The following ABCA1 variants were observed in gnomAD, a reference collection of about 807,000 sequenced individuals.
ABCA1 encodes the protein ATP binding cassette subfamily A member 1.
ABCA1 carries 133 observed loss-of-function variants against 262.5 expected under a neutral mutation model. That is an observed-to-expected ratio of 0.51 (90% CI 0.44 to 0.59). ABCA1 has a LOEUF of 0.59. Ranked by LOEUF, ABCA1 falls within the 20% of genes least tolerant of loss-of-function variation. The probability of loss-of-function intolerance (pLI) is 0.00; values close to 1 mark genes in which losing one functional copy is unlikely to be tolerated. For synonymous variants in ABCA1, 1,022 were observed against 1,043.5 expected (o/e 0.98, Z 0.40); for missense variants, 2,452 against 2,777.5 (o/e 0.88, Z 2.63).
chr9:104,834,320 A>C (rs1833607114), intron 11 of ABCA1, among the ~76,000 whole-genome samples: 1 of 149,712 alleles, frequency 6.7e-6, no homozygotes, highest in South Asian at 2.1e-4. Flanking sequence ...GCAGGATAGC[A>C]TATTTTAAAA....
chr9:104,896,748 T>TTTC (rs1840256620), intron 2 of ABCA1, among the ~76,000 whole-genome samples: 1 of 121,666 alleles, frequency 8.2e-6, no homozygotes, highest in African/African-American at 3.5e-5. Flanking sequence ...TTTTTTTTTT[T>TTTC]CAGACAGAGT....
chr9:104,906,048 A>C (rs931181414), intron 1 of ABCA1, among the ~76,000 whole-genome samples: 1 of 152,194 alleles, frequency 6.6e-6, no homozygotes, highest in African/African-American at 2.4e-5. Context: ...TTCCCAACAC[A>C]GTACATGGCT....
chr9:104,917,036 G>A (rs1197776286), intron 1 of ABCA1, among the ~76,000 whole-genome samples: 3 of 152,180 alleles, frequency 2.0e-5, no homozygotes, highest in Non-Finnish European at 4.4e-5. Flanking sequence ...TGCAAACTGG[G>A]ACACTTTGGC....
In ABCA1 at chr9:104,785,612, T is replaced by C; in HGVS notation, c.6429A>G (p.Val2143=). The change falls in exon 49 of 50, where the codon GTA becomes GTG. Residue 2143 remains valine (V), a synonymous_variant. Coordinates refer to ENST00000374736, the MANE Select transcript of ABCA1 (RefSeq NM_005502.4). ...NRFGDGYTIV[V]RIAGSNPDLK... is the part of the protein sequence containing the mutation. ...GGTCCGGGTTGGACCCTGCTATTCG[T>C]ACAACTATTGTATAACCATCTCCAA... is the stretch of plus-strand genomic sequence containing the variant. The C allele has an allele frequency of 1.2e-6, 2 of 1,614,106 alleles. No individual in the cohort carries two copies. Among genetic ancestry groups the C allele is most frequent in the Non-Finnish European group, 1.7e-6 (2 of 1,179,988 alleles).
At chr9:104,829,526 C>T (rs77120011) in intron 14 of ABCA1, among the ~76,000 whole-genome samples, 9,188 of 152,280 alleles carry the variant, frequency 0.06, 477 homozygotes, top group East Asian at 0.28. Context: ...ACTCTAATCA[C>T]ACCACAGACA....
chr9:104,863,496 G>T (rs1156999198), intron 5 of ABCA1, among the ~76,000 whole-genome samples: 1 of 152,182 alleles, frequency 6.6e-6, no homozygotes, highest in African/African-American at 2.4e-5. Context: ...ACAGTGTGAG[G>T]CTTAATGAGG....
chr9:104,831,169 AAT>A, intron 13 of ABCA1, 68 bp from the exon 14 acceptor site: 6 of 1,316,064 alleles, frequency 4.6e-6, no homozygotes, highest in African/African-American at 1.5e-5. Flanking sequence ...AAAAAAAAAA[AAT>A]TGCCCAAAAC....
intron 1 of ABCA1, among the ~76,000 whole-genome samples, chr9:104,926,669 C>T (rs55950117): frequency 6.6e-6 from 1 of 152,188 alleles, no homozygotes; most frequent in Non-Finnish European, 1.5e-5. Flanking sequence ...CCAGCACCCC[C>T]ACCCTCACGG....
In ABCA1 at chr9:104,822,480, C is replaced by T; in HGVS notation, c.2828+16G>A. The T allele has an allele frequency of 6.2e-7, 1 of 1,612,754 alleles. No homozygotes were observed. Among genetic ancestry groups the T allele is most frequent in the Non-Finnish European group, 8.5e-7 (1 of 1,179,892 alleles). The stretch of plus-strand genomic sequence containing the variant: ...CTCCTGTGGCTGATTCTGCGGGAAC[C>T]ACACCCTCTTCTTACATGGTGGTCG... On this transcript the variant is annotated intron_variant, in intron 19 of 49. Coordinates refer to ENST00000374736, the MANE Select transcript of ABCA1 (RefSeq NM_005502.4).
At chr9:104,794,748 A>C (rs1056295038) in intron 39 of ABCA1, among the ~76,000 whole-genome samples, 3 of 152,172 alleles carry the variant, frequency 2.0e-5, no homozygotes, top group Non-Finnish European at 4.4e-5. Flanking sequence ...AAATGCTCTG[A>C]GTATGGAGAA....
chr9:104,904,564 CA>C (rs35949087), intron 1 of ABCA1, among the ~76,000 whole-genome samples: 16,562 of 76,886 alleles, frequency 0.22, 933 homozygotes, highest in South Asian at 0.35. Flanking sequence ...GACTCTGTCT[CA>C]AAAAAAAAAA....
chr9:104,790,816 T>G, intron 44 of ABCA1, 106 bp downstream of exon 44: 1 of 817,452 alleles, frequency 1.2e-6, no homozygotes, highest in East Asian at 2.5e-5. Context: ...TTCAACATTT[T>G]TATGAACTCT....
intron 1 of ABCA1, among the ~76,000 whole-genome samples, chr9:104,906,310 G>C (rs920164413): frequency 6.6e-6 from 1 of 152,150 alleles, no homozygotes; most frequent in Non-Finnish European, 1.5e-5. Flanking sequence ...ACCCTGAGTG[G>C]AAAAGCTCAA....
At chr9:104,820,738 C>A (rs1248971605) in intron 20 of ABCA1, among the ~76,000 whole-genome samples, 1 of 151,158 alleles carries the variant, frequency 6.6e-6, no homozygotes, top group African/African-American at 2.5e-5. Context: ...GGGAAGTCTG[C>A]TCCAGGCCTC....
intron 39 of ABCA1, among the ~76,000 whole-genome samples, chr9:104,795,779 G>C (rs771152529): frequency 6.6e-6 from 1 of 152,088 alleles, no homozygotes; most frequent in Non-Finnish European, 1.5e-5. Flanking sequence ...TAAAGTGGAA[G>C]GCAGAGGAGC....
At chr9:104,834,925 G>T (rs1225876447) in intron 11 of ABCA1, among the ~76,000 whole-genome samples, 1 of 152,288 alleles carries the variant, frequency 6.6e-6, no homozygotes, top group South Asian at 2.1e-4. Flanking sequence ...ACAAGCTCAT[G>T]TTTGTGGAAT....
At chr9:104,826,305 G>T (rs1191418922) in intron 16 of ABCA1, among the ~76,000 whole-genome samples, 1 of 152,142 alleles carries the variant, frequency 6.6e-6, no homozygotes, top group Non-Finnish European at 1.5e-5. Flanking sequence ...CCAGACTGAG[G>T]CAACAGGAGC....
intron 10 of ABCA1, 118 bp from the exon 11 acceptor site, chr9:104,837,214 A>G: frequency 1.9e-6 from 2 of 1,054,246 alleles, no homozygotes; most frequent in Middle Eastern, 3.0e-4. Flanking sequence ...AGTCCTCCCC[A>G]TCCCCAAGAA....
In ABCA1 at chr9:104,840,186, G is replaced by A. The variant is rs1009746327; in HGVS notation, c.1054+93C>T. The A allele has an allele frequency of 3.6e-5, 57 of 1,603,404 alleles. No homozygotes were observed. The South Asian group carries it at 3.9e-4, about 11-fold the overall frequency. On this transcript the variant is annotated intron_variant, in intron 9 of 49. Coordinates refer to ENST00000374736, the MANE Select transcript of ABCA1 (RefSeq NM_005502.4). ...GCAAATGGGCATGTAGACATCTAAC[G>A]CTGCTACAGAGGGAGGAGATGACAC...
Sources: gnomAD v4.1 joint callset for allele counts (sites outside exome capture counted in the v4.1 genomes callset) on GRCh38, gnomAD v4.1.1 for gene constraint, MANE v1.5 for transcripts, NCBI Gene and HGNC (gene_info 2026-07-23, HGNC 2026-07-21) for gene names.